The following DIP2C variants were observed in gnomAD, a reference collection of about 807,000 sequenced individuals.
DIP2C encodes the protein DIP2 acetate--CoA ligase C (putative).
In DIP2C, 33 loss-of-function variants were observed where a neutral mutation model predicts 192.4. That is an observed-to-expected ratio of 0.17 (90% CI 0.13 to 0.23). The LOEUF (loss-of-function observed/expected upper bound fraction) is 0.23, where lower values mean the gene tolerates loss of function less well. DIP2C is among the 10% of genes least tolerant of loss of function. The pLI, the probability that DIP2C is intolerant of heterozygous loss-of-function variation, is 1.00. For missense variants in DIP2C, 1,537 were observed against 2,110.1 expected (o/e 0.73, Z 5.32); for synonymous variants, 979 against 864.1 (o/e 1.13, Z -2.33).
chr10:423,684 T>C lies in DIP2C; in HGVS notation c.395-651A>G, dbSNP rs146401142. On this transcript the variant is annotated intron_variant, in intron 4 of 36. Transcript: ENST00000280886. Reference sequence around the variant, plus strand: ...CCGATGCACCTGATTTGTGCGTTGGTGTGTTAGATAACCATGCAGCTGATT... The same window carrying C: ...CCGATGCACCTGATTTGTGCGTTGGCGTGTTAGATAACCATGCAGCTGATT... Among the ~76,000 whole-genome samples, 642 of 151,776 alleles carry C rather than the reference T, an allele frequency of 4.2e-3. 1 individual carries two copies. Among genetic ancestry groups the C allele is most frequent in the East Asian group, 0.014 (75 of 5,188 alleles).
In DIP2C at chr10:297,040, T is replaced by TA. The variant is rs900653396; in HGVS notation, c.3987-8620dup. Among the ~76,000 whole-genome samples the TA allele has an allele frequency of 4.6e-4, 68 of 148,504 alleles. 1 individual carries two copies. The highest frequency in any genetic ancestry group is 3.4e-3 in the Middle Eastern group (1 of 294). On this transcript the variant is annotated intron_variant, in intron 32 of 36. Coordinates refer to ENST00000280886, the MANE Select transcript of DIP2C (RefSeq NM_014974.3). The stretch of plus-strand genomic sequence containing the variant: ...TACCCTAGAACTTAAAGTATAATAA[T>TA]AAAAAAAAAATTAACTGGGCGTAGT...
At chr10:507,890 G>A (rs1013283453) in intron 1 of DIP2C, among the ~76,000 whole-genome samples, 3 of 152,144 alleles carry the variant, frequency 2.0e-5, no homozygotes, top group Admixed American at 6.5e-5. Flanking sequence ...TTTAAATGAG[G>A]GGCCCAAGTT....
intron 1 of DIP2C, among the ~76,000 whole-genome samples, chr10:541,471 T>A (rs1588424297): frequency 8.9e-6 from 1 of 112,956 alleles, no homozygotes; most frequent in South Asian, 3.1e-4. Flanking sequence ...CGAGTGACCC[T>A]CCACCCCCAT....
At chr10:475,431 T>G (rs1307187342) in intron 2 of DIP2C, among the ~76,000 whole-genome samples, 1 of 152,138 alleles carries the variant, frequency 6.6e-6, no homozygotes, top group Non-Finnish European at 1.5e-5. Context: ...ACCTTCAATC[T>G]CAGTACCACA....
At chr10:639,882 C>T (rs1037978784) in intron 1 of DIP2C, among the ~76,000 whole-genome samples, 4 of 152,216 alleles carry the variant, frequency 2.6e-5, no homozygotes, top group African/African-American at 9.6e-5. Flanking sequence ...CTGCTTAAAG[C>T]GTATTTCCAG....
intron 3 of DIP2C, among the ~76,000 whole-genome samples, chr10:459,744 C>T (rs568297525): frequency 6.7e-6 from 1 of 148,580 alleles, no homozygotes; most frequent in African/African-American, 2.5e-5. Context: ...TGCACGTGGG[C>T]TCTGGGATCT....
rs77827464 is a variant in DIP2C, at chr10:382,050, G to T, written c.1991+597C>A. Among the ~76,000 whole-genome samples the T allele has an allele frequency of 6.1e-3, 922 of 152,290 alleles. 4 individuals are homozygous for T. The highest frequency in any genetic ancestry group is 0.014 in the Middle Eastern group (4 of 294). On this transcript the variant is annotated intron_variant, in intron 17 of 36. Transcript: ENST00000280886. ...CAAACCCACAGACGGCTCCACTTAG[G>T]TAAAATGTCAAGTGTGTGCGTATCA...
intron 1 of DIP2C, among the ~76,000 whole-genome samples, chr10:512,959 T>C (rs1272354167): frequency 6.6e-6 from 1 of 151,274 alleles, no homozygotes; most frequent in Admixed American, 6.6e-5. Flanking sequence ...GCTAATGTTT[T>C]TCATTTAAGG....
chr10:612,850 G>A (rs1409623400), intron 1 of DIP2C, among the ~76,000 whole-genome samples: 1 of 152,222 alleles, frequency 6.6e-6, no homozygotes, highest in Non-Finnish European at 1.5e-5. Context: ...GTCAAGAAGT[G>A]TCAGGTTCCC....
chr10:459,738 C>G (rs896763469), intron 3 of DIP2C, among the ~76,000 whole-genome samples: 1 of 150,058 alleles, frequency 6.7e-6, no homozygotes, highest in East Asian at 2.0e-4. Flanking sequence ...GCGTGCTGCA[C>G]GTGGGCTCTG....
chr10:603,337 A>C (rs1002678267), intron 1 of DIP2C, among the ~76,000 whole-genome samples: 2 of 142,086 alleles, frequency 1.4e-5, no homozygotes, highest in African/African-American at 2.7e-5. Flanking sequence ...AAAAAAACCA[A>C]CCATGAGATT....
At chr10:361,836 C>CT (rs1959556188) in intron 22 of DIP2C, among the ~76,000 whole-genome samples, 1 of 152,160 alleles carries the variant, frequency 6.6e-6, no homozygotes, top group African/African-American at 2.4e-5. Context: ...GCTTGAGCGG[C>CT]TCCCAACAGA....
At chr10:543,901 G>C (rs951566529) in intron 1 of DIP2C, among the ~76,000 whole-genome samples, 4 of 110,584 alleles carry the variant, frequency 3.6e-5, no homozygotes, top group African/African-American at 2.2e-4. Context: ...TCCATTAAGA[G>C]TCAGCACCTG....
chr10:618,663 GA>G (rs1853634414), intron 1 of DIP2C, among the ~76,000 whole-genome samples: 3 of 152,200 alleles, frequency 2.0e-5, no homozygotes, highest in African/African-American at 7.2e-5. Flanking sequence ...AAAGTTAAAA[GA>G]CTATCACTCA....
chr10:657,783 G>A (rs1445899247), intron 1 of DIP2C, among the ~76,000 whole-genome samples: 1 of 148,542 alleles, frequency 6.7e-6, no homozygotes, highest in African/African-American at 2.5e-5. Flanking sequence ...ACCTGATGCT[G>A]GACCTCTCCC....
intron 8 of DIP2C, among the ~76,000 whole-genome samples, chr10:409,517 G>T (rs1169541136): frequency 6.6e-6 from 1 of 152,202 alleles, no homozygotes; most frequent in African/African-American, 2.4e-5. Flanking sequence ...AACAAGGCCG[G>T]CACAAAACAA....
chr10:384,756 T>A, intron 14 of DIP2C, 117 bp from the exon 15 acceptor site: 1 of 970,472 alleles, frequency 1.0e-6, no homozygotes, highest in Admixed American at 1.9e-5. Flanking sequence ...CAGGGAGCGC[T>A]GCAGACACCA....
At chr10:674,820 A>AGG (rs1830814210) in intron 1 of DIP2C, among the ~76,000 whole-genome samples, 9 of 147,070 alleles carry the variant, frequency 6.1e-5, no homozygotes, top group Admixed American at 1.4e-4. Flanking sequence ...AGAGAGAGAG[A>AGG]GAGAGAGAGA....
intron 34 of DIP2C, among the ~76,000 whole-genome samples, chr10:285,851 C>A (rs1955092499): frequency 6.6e-6 from 1 of 152,356 alleles, no homozygotes; most frequent in Non-Finnish European, 1.5e-5. Flanking sequence ...GAAATAAACA[C>A]ATGATCTCTT....
Sources: gnomAD v4.1 joint callset for allele counts (sites outside exome capture counted in the v4.1 genomes callset) on GRCh38, gnomAD v4.1.1 for gene constraint, MANE v1.5 for transcripts, NCBI Gene and HGNC (gene_info 2026-07-23, HGNC 2026-07-21) for gene names.